DPP10: variants seen among roughly 807,000 people sequenced by gnomAD.
DPP10 encodes the protein inactive dipeptidyl peptidase 10.
In DPP10, 33 loss-of-function variants were observed where a neutral mutation model predicts 120.9. That is an observed-to-expected ratio of 0.27 (90% CI 0.21 to 0.37). The LOEUF (loss-of-function observed/expected upper bound fraction) is 0.37. DPP10 is among the 10% of genes least tolerant of loss of function. The pLI, the probability that DPP10 is intolerant of heterozygous loss-of-function variation, is 1.00. For missense variants in DPP10, 816 were observed against 942.8 expected (o/e 0.87, Z 1.76); for synonymous variants, 337 against 326.1 (o/e 1.03, Z -0.36).
chr2:115,348,040 T>C (rs2063796007), intron 3 of DPP10, among the ~76,000 whole-genome samples: 1 of 152,100 alleles, frequency 6.6e-6, no homozygotes, highest in East Asian at 1.9e-4. Context: ...TTTCTATTAC[T>C]TGCTTCAGGG....
Position 114,527,867 on chromosome 2 carries a change from C to T in DPP10, c.60+85029C>T, listed in dbSNP as rs115439073. Among the ~76,000 whole-genome samples the T allele has an allele frequency of 1.3e-3, 203 of 152,142 alleles. 1 individual carries two copies. Among genetic ancestry groups the T allele is most frequent in the African/African-American group, 4.4e-3 (184 of 41,500 alleles). On this transcript the variant is annotated intron_variant, in intron 1 of 25. Transcript: ENST00000410059. The stretch of plus-strand genomic sequence containing the variant: ...GGCAATTGTAGCACAATGATAAGCA[C>T]GTATATAAACATATCTGAACATAGA...
intron 1 of DPP10, among the ~76,000 whole-genome samples, chr2:115,243,418 A>G (rs1216842284): frequency 2.0e-5 from 3 of 152,192 alleles, no homozygotes; most frequent in African/African-American, 7.2e-5. Flanking sequence ...AACTATGCTT[A>G]GCTTTAAAAA....
chr2:115,367,869 G>A (rs1574579223), intron 3 of DPP10, among the ~76,000 whole-genome samples: 1 of 151,736 alleles, frequency 6.6e-6, no homozygotes, highest in Non-Finnish European at 1.5e-5. Flanking sequence ...GATGCAAAAG[G>A]AAAAAAATAC....
chr2:114,502,298 GA>G (rs149139840), intron 1 of DPP10, among the ~76,000 whole-genome samples: 4,764 of 152,100 alleles, frequency 0.031, 253 homozygotes, highest in African/African-American at 0.11. Context: ...CCACGTGAGA[GA>G]GAAAGTTTTT....
intron 5 of DPP10, among the ~76,000 whole-genome samples, chr2:115,672,325 A>AT (rs5833619): frequency 0.012 from 1,849 of 150,558 alleles, 45 homozygotes; most frequent in African/African-American, 0.043. Context: ...AAAATACTCT[A>AT]TTTTTTTTTC....
At chr2:115,162,257 G>C in intron 1 of DPP10, 1 of 1,559,998 alleles carries the variant, frequency 6.4e-7, no homozygotes, top group Non-Finnish European at 8.7e-7. Flanking sequence ...AGAGCCGCGG[G>C]GAAGGGGGCA....
chr2:115,763,463 A>C (rs1424469720), intron 12 of DPP10, among the ~76,000 whole-genome samples: 1 of 152,058 alleles, frequency 6.6e-6, no homozygotes. Flanking sequence ...TTATCTTAGG[A>C]CTCAATGACA....
intron 1 of DPP10, among the ~76,000 whole-genome samples, chr2:115,300,451 A>G (rs1488055887): frequency 6.6e-6 from 1 of 152,090 alleles, no homozygotes; most frequent in Non-Finnish European, 1.5e-5. Context: ...ACACACAGGC[A>G]TACACACAAC....
At chr2:115,323,968 T>C (rs188991136) in intron 2 of DPP10, among the ~76,000 whole-genome samples, 197 of 152,264 alleles carry the variant, frequency 1.3e-3, no homozygotes, top group African/African-American at 4.5e-3. Context: ...TTCCACAGAA[T>C]GTCACCAGCT....
chr2:114,552,496 T>A (rs1433400413), intron 1 of DPP10, among the ~76,000 whole-genome samples: 8 of 152,184 alleles, frequency 5.3e-5, no homozygotes, highest in African/African-American at 1.9e-4. Context: ...TGCCTACAGC[T>A]AAAGATGCTG....
intron 17 of DPP10, among the ~76,000 whole-genome samples, chr2:115,789,397 T>C (rs1395392510): frequency 6.6e-6 from 1 of 152,162 alleles, no homozygotes; most frequent in Non-Finnish European, 1.5e-5. Context: ...TTTAAAAACT[T>C]GAAAATTTTG....
intron 1 of DPP10, among the ~76,000 whole-genome samples, chr2:114,511,939 T>C (rs550686390): frequency 9.9e-5 from 15 of 152,218 alleles, no homozygotes; most frequent in Non-Finnish European, 2.2e-4. Context: ...AAATGTTGTC[T>C]CTTGCTAGAA....
chr2:114,946,722 T>A (rs1407816898), intron 1 of DPP10, among the ~76,000 whole-genome samples: 3 of 152,108 alleles, frequency 2.0e-5, no homozygotes, highest in Non-Finnish European at 4.4e-5. Flanking sequence ...TGTTCCTATC[T>A]TAATGAAACA....
At chr2:115,138,435 G>A (rs1262199961) in intron 1 of DPP10, among the ~76,000 whole-genome samples, 1 of 152,152 alleles carries the variant, frequency 6.6e-6, no homozygotes, top group East Asian at 1.9e-4. Flanking sequence ...AATTAGGGCT[G>A]ATTTGCATTT....
At chr2:115,496,679 C>G (rs1172339423) in intron 3 of DPP10, among the ~76,000 whole-genome samples, 1 of 152,086 alleles carries the variant, frequency 6.6e-6, no homozygotes, top group Non-Finnish European at 1.5e-5. Flanking sequence ...CACCACAGAC[C>G]TCATCTCAAT....
chr2:115,297,943 A>G lies in DPP10; in HGVS notation c.61-11296A>G, dbSNP rs373929125. Among the ~76,000 whole-genome samples, 3 of 152,076 alleles carry G rather than the reference A, an allele frequency of 2.0e-5. No individual in the cohort carries two copies. In the East Asian group the frequency reaches 5.8e-4, roughly 29 times the overall value. Reference sequence around the variant, plus strand: ...CTTTCAACCACAATTTATAGTTCCCAGGATGGGTCAACAACTGTACTCCTG... The same window carrying G: ...CTTTCAACCACAATTTATAGTTCCCGGGATGGGTCAACAACTGTACTCCTG... On this transcript the variant is annotated intron_variant, in intron 1 of 25. Transcript: ENST00000410059.
intron 3 of DPP10, among the ~76,000 whole-genome samples, chr2:115,441,374 G>T (rs2072031018): frequency 6.6e-6 from 1 of 152,142 alleles, no homozygotes; most frequent in Admixed American, 6.5e-5. Flanking sequence ...ATGAGATCTT[G>T]TAATAGGTGA....
intron 1 of DPP10, among the ~76,000 whole-genome samples, chr2:114,992,936 G>A (rs1446041454): frequency 1.3e-5 from 2 of 152,110 alleles, no homozygotes; most frequent in Non-Finnish European, 2.9e-5. Flanking sequence ...CATATGGAAG[G>A]GGCATGTGAC....
chr2:114,460,616 CTG>C (rs1678849290), intron 1 of DPP10, among the ~76,000 whole-genome samples: 1 of 152,056 alleles, frequency 6.6e-6, no homozygotes, highest in South Asian at 2.1e-4. Flanking sequence ...ATATAGAATA[CTG>C]TGTGTTACTT....
Sources: gnomAD v4.1 joint callset for allele counts (sites outside exome capture counted in the v4.1 genomes callset) on GRCh38, gnomAD v4.1.1 for gene constraint, MANE v1.5 for transcripts, NCBI Gene and HGNC (gene_info 2026-07-23, HGNC 2026-07-21) for gene names.